The following RASA1 variants were observed in gnomAD, a reference collection of about 807,000 sequenced individuals.
RASA1 encodes the protein RAS p21 protein activator 1, also known as ras GTPase-activating protein 1.
Under a neutral mutation model 132.2 loss-of-function variants are expected in RASA1, and 25 were observed. That is an observed-to-expected ratio of 0.19 (90% CI 0.14 to 0.26). The LOEUF (loss-of-function observed/expected upper bound fraction) is 0.26. Among genes scored for constraint, RASA1 ranks in the 10% least tolerant of loss-of-function variants. RASA1 has a pLI of 1.00. For missense variants in RASA1, 964 were observed against 1,299.2 expected, an observed-to-expected ratio of 0.74 and a Z score of 3.97; for synonymous variants, 477 against 449.9, an observed-to-expected ratio of 1.06 and a Z score of -0.76.
intron 7 of RASA1, 58 bp downstream of exon 7, chr5:87,346,782 C>T (rs1370669121): frequency 7.6e-7 from 1 of 1,314,136 alleles, no homozygotes; most frequent in African/African-American, 1.5e-5. Context: ...AAAAAGTGAA[C>T]AAACCATTTA....
At chr5:87,269,099 A>G (rs1215711670) in intron 1 of RASA1, 109 bp downstream of exon 1, 2 of 1,613,602 alleles carry the variant, frequency 1.2e-6, no homozygotes, top group African/African-American at 2.7e-5. Flanking sequence ...TGTTAGGAAA[A>G]GTTTTTGAAG....
chr5:87,328,031 G>GT (rs1159032865), intron 1 of RASA1, among the ~76,000 whole-genome samples: 1 of 150,786 alleles, frequency 6.6e-6, no homozygotes, highest in Non-Finnish European at 1.5e-5. Flanking sequence ...TTTTTGTTTT[G>GT]TTTTTTACAT....
chr5:87,285,158 C>T (rs1000386220), intron 1 of RASA1, among the ~76,000 whole-genome samples: 1 of 149,640 alleles, frequency 6.7e-6, no homozygotes, highest in African/African-American at 2.5e-5. Flanking sequence ...ACCTCCACTT[C>T]CCGGGTTCAA....
chr5:87,385,421 T>A lies in RASA1; in HGVS notation c.2847+32T>A, dbSNP rs746130315. On this transcript the variant is annotated intron_variant, in intron 22 of 24. Coordinates refer to ENST00000274376, the MANE Select transcript of RASA1 (RefSeq NM_002890.3). ...ACATTTTGATACTTTAAAATGTAAT[T>A]TATGAATGCAAGTTTGACATGATAA... is the stretch of plus-strand genomic sequence containing the variant. 15 of 1,479,470 alleles carry A rather than the reference T, an allele frequency of 1.0e-5. No individual in the cohort carries two copies. The African/African-American group carries it at 1.9e-4, about 19-fold the overall frequency. The allele number at this position is 1,479,470 out of a possible 1,614,324, so 91.6% of individuals were successfully genotyped here.
intron 11 of RASA1, 100 bp downstream of exon 11, chr5:87,363,604 A>G: frequency 7.5e-7 from 1 of 1,332,722 alleles, no homozygotes; most frequent in South Asian, 1.2e-5. Flanking sequence ...TCATCTTCTA[A>G]AAGTAGCAGA....
intron 4 of RASA1, among the ~76,000 whole-genome samples, chr5:87,335,037 C>T (rs1216008109): frequency 6.6e-6 from 1 of 152,074 alleles, no homozygotes; most frequent in African/African-American, 2.4e-5. Flanking sequence ...CGTGTGTCAC[C>T]AAGTCCAGCT....
At chr5:87,297,748 T>G (rs900629645) in intron 1 of RASA1, among the ~76,000 whole-genome samples, 7 of 152,204 alleles carry the variant, frequency 4.6e-5, no homozygotes, top group Non-Finnish European at 1.0e-4. Context: ...TCTCTGATAT[T>G]TACTGTAAGG....
chr5:87,385,294 G>T lies in RASA1; in HGVS notation c.2759-7G>T, dbSNP rs776924791. The T allele has an allele frequency of 7.5e-6, 12 of 1,590,184 alleles. No individual in the cohort carries two copies. In the East Asian group the frequency reaches 1.3e-4, roughly 18 times the overall value. ...GGTGTCATTAGCTGTGCCCAATTCT[G>T]TTACAGATTCTCCATCTCCTATTGC... On this transcript the variant is annotated splice_polypyrimidine_tract_variant and splice_region_variant and intron_variant, in intron 21 of 24. Coordinates refer to ENST00000274376, the MANE Select transcript of RASA1 (RefSeq NM_002890.3).
intron 22 of RASA1, among the ~76,000 whole-genome samples, chr5:87,386,240 A>AT (rs1441287275): frequency 1.3e-5 from 2 of 151,880 alleles, no homozygotes; most frequent in African/African-American, 4.8e-5. Flanking sequence ...TTTCTTACTG[A>AT]TTTTAAAAGA....
intron 1 of RASA1, among the ~76,000 whole-genome samples, chr5:87,319,256 G>A (rs1756592197): frequency 6.6e-6 from 1 of 152,222 alleles, no homozygotes; most frequent in African/African-American, 2.4e-5. Flanking sequence ...GTGGGGTCTG[G>A]AGGATGATGG....
intron 20 of RASA1, among the ~76,000 whole-genome samples, chr5:87,381,055 T>G (rs751981641): frequency 1.6e-4 from 24 of 152,162 alleles, no homozygotes; most frequent in Non-Finnish European, 3.2e-4. Flanking sequence ...GTACCATAAT[T>G]AGGAAGAACT....
chr5:87,292,017 G>A (rs1257483258), intron 1 of RASA1, among the ~76,000 whole-genome samples: 1 of 152,066 alleles, frequency 6.6e-6, no homozygotes, highest in Non-Finnish European at 1.5e-5. Flanking sequence ...TTTAAAATCA[G>A]GTTTGTTTTC....
intron 7 of RASA1, among the ~76,000 whole-genome samples, chr5:87,347,432 C>T (rs1758942338): frequency 6.6e-6 from 1 of 151,940 alleles, no homozygotes; most frequent in Non-Finnish European, 1.5e-5. Flanking sequence ...AAATACCGAG[C>T]ATTTCTTTGG....
intron 1 of RASA1, among the ~76,000 whole-genome samples, chr5:87,283,564 A>G (rs185906190): frequency 2.0e-5 from 3 of 152,168 alleles, no homozygotes; most frequent in Non-Finnish European, 4.4e-5. Context: ...GGTAATAATC[A>G]CTGTTAAGTT....
intron 9 of RASA1, among the ~76,000 whole-genome samples, chr5:87,354,827 A>G (rs976861517): frequency 3.9e-5 from 6 of 152,202 alleles, no homozygotes; most frequent in Admixed American, 2.6e-4. Flanking sequence ...GAACACATGA[A>G]TGATTAATAA....
intron 1 of RASA1, among the ~76,000 whole-genome samples, chr5:87,311,616 T>C (rs1755916554): frequency 6.6e-6 from 1 of 152,216 alleles, no homozygotes. Context: ...GAGACAGTGC[T>C]TAACTGCCGC....
Position 87,352,209 on chromosome 5 carries a change from T to A in RASA1, c.1254-948T>A, listed in dbSNP as rs558454965. ...ATTAAGTTCATTCATACACTACTAG[T>A]TAACTTTTCAGGTCCTTTTGTTTTG... On this transcript the variant is annotated intron_variant, in intron 8 of 24. Transcript: ENST00000274376. Among the ~76,000 whole-genome samples, 46 of 151,868 alleles carry A rather than the reference T, an allele frequency of 3.0e-4. No individual in the cohort carries two copies. In the South Asian group the frequency reaches 7.9e-3, roughly 26 times the overall value.
chr5:87,297,471 C>T (rs983106516), intron 1 of RASA1, among the ~76,000 whole-genome samples: 2 of 152,156 alleles, frequency 1.3e-5, no homozygotes, highest in African/African-American at 2.4e-5. Flanking sequence ...TGAACATAAC[C>T]ATTGTTTCTC....
chr5:87,284,105 G>A (rs964453188), intron 1 of RASA1, among the ~76,000 whole-genome samples: 9 of 152,108 alleles, frequency 5.9e-5, no homozygotes, highest in Admixed American at 4.6e-4. Context: ...AACATATAAC[G>A]AAACCCAATT....
Sources: allele counts gnomAD v4.1 joint callset (sites outside exome capture counted in the v4.1 genomes callset), GRCh38; gene constraint gnomAD v4.1.1; transcripts MANE v1.5; gene names NCBI Gene and HGNC (gene_info 2026-07-23, HGNC 2026-07-21).